ELOC: variants seen among roughly 807,000 people sequenced by gnomAD.
ELOC encodes elongin C, also known as elongin-C.
For missense variants in ELOC, 38 were observed against 139.0 expected, an observed-to-expected ratio of 0.27 and a Z score of 3.65; for synonymous variants, 40 against 51.3, an observed-to-expected ratio of 0.78 and a Z score of 0.94.
chr8:73,955,149 AT>A lies in ELOC; in HGVS notation c.148+761del, dbSNP rs35073507. On this transcript the variant is annotated intron_variant, in intron 3 of 3. Coordinates refer to ENST00000520242, the MANE Select transcript of ELOC (RefSeq NM_005648.4). ...TGAAAACAGAACATGGCAGAAATCA[AT>A]TTTTTTTCCCCAATGCAACATAATC... Among the ~76,000 whole-genome samples, 1,292 of 151,984 alleles carry A rather than the reference AT, an allele frequency of 8.5e-3. 22 individuals are homozygous for A. The highest frequency in any genetic ancestry group is 0.03 in the African/African-American group (1,250 of 41,454).
intron 1 of ELOC, among the ~76,000 whole-genome samples, chr8:73,962,005 T>C (rs1391064217): frequency 1.3e-5 from 2 of 151,968 alleles, no homozygotes; most frequent in African/African-American, 2.4e-5. Flanking sequence ...AAACGATTCT[T>C]GTGCCTCAGC....
At chr8:73,956,287 A>G (rs2131115571) in intron 2 of ELOC, among the ~76,000 whole-genome samples, 1 of 152,324 alleles carries the variant, frequency 6.6e-6, no homozygotes, top group East Asian at 1.9e-4. Context: ...CGGGAGGCTG[A>G]GGCAGGAGAA....
intron 3 of ELOC, among the ~76,000 whole-genome samples, chr8:73,947,442 T>A (rs1321117867): frequency 1.3e-5 from 2 of 152,120 alleles, no homozygotes; most frequent in Non-Finnish European, 2.9e-5. Context: ...TGTGAGAAAA[T>A]AAAGTTCTGT....
At chr8:73,960,096 G>T (rs1328788987) in intron 1 of ELOC, among the ~76,000 whole-genome samples, 2 of 152,128 alleles carry the variant, frequency 1.3e-5, no homozygotes, top group Non-Finnish European at 2.9e-5. Flanking sequence ...TTGGGGGTGG[G>T]GTTGTTGAAG....
chr8:73,950,185 AGACT>A (rs1813652235), intron 3 of ELOC, among the ~76,000 whole-genome samples: 1 of 152,242 alleles, frequency 6.6e-6, no homozygotes, highest in Non-Finnish European at 1.5e-5. Context: ...TAACTATTCA[AGACT>A]AACGGAGCCA....
At chr8:73,963,212 G>T (rs546085681) in intron 1 of ELOC, among the ~76,000 whole-genome samples, 1 of 152,048 alleles carries the variant, frequency 6.6e-6, no homozygotes, top group Non-Finnish European at 1.5e-5. Flanking sequence ...GGTGAGCCTA[G>T]GGCCTACACT....
intron 3 of ELOC, among the ~76,000 whole-genome samples, chr8:73,948,453 G>C (rs1813526417): frequency 6.6e-6 from 1 of 152,068 alleles, no homozygotes. Context: ...TTCTGATTTG[G>C]CTTTTCTGAG....
rs1485552655 is a variant in ELOC at position 73,945,695 on chromosome 8, G to A, written c.*935C>T. On this transcript the variant is annotated 3_prime_UTR_variant, in exon 4 of 4. Transcript: ENST00000520242. ...ATAATTCATGTAGGATATCTTCAAT[G>A]CATTATAATATGATTTTCACTGTAT... 2.0e-5 allele frequency: 3 copies of A among 152,142 alleles called. No individual in the cohort carries two copies. The highest frequency in any genetic ancestry group is 7.2e-5 in the African/African-American group (3 of 41,432). The allele number at this position is 152,142 out of a possible 1,614,324, so 9.4% of individuals were successfully genotyped here. A position where few individuals can be genotyped will look rare whatever the true frequency, so the allele number is the denominator to read the frequency against.
At chr8:73,965,174 T>C (rs1016298268) in intron 1 of ELOC, among the ~76,000 whole-genome samples, 12 of 151,472 alleles carry the variant, frequency 7.9e-5, no homozygotes, top group African/African-American at 2.9e-4. Flanking sequence ...AATTCCTGTA[T>C]GTCAATAAAA....
chr8:73,966,248 G>A (rs1227204793), intron 1 of ELOC, among the ~76,000 whole-genome samples: 1 of 152,164 alleles, frequency 6.6e-6, no homozygotes, highest in Non-Finnish European at 1.5e-5. Context: ...ATACGGCATG[G>A]TGAAGAACTA....
intron 3 of ELOC, among the ~76,000 whole-genome samples, chr8:73,951,325 G>A (rs963360355): frequency 6.6e-6 from 1 of 152,016 alleles, no homozygotes; most frequent in Non-Finnish European, 1.5e-5. Flanking sequence ...GTATTACACA[G>A]TTCTCTTTAC....
At chr8:73,954,531 G>A (rs1295365545) in intron 3 of ELOC, among the ~76,000 whole-genome samples, 1 of 151,650 alleles carries the variant, frequency 6.6e-6, no homozygotes, top group East Asian at 1.9e-4. Flanking sequence ...GTGGGCACCT[G>A]TAGTCCCAGA....
At chr8:73,948,006 A>T (rs1367721096) in intron 3 of ELOC, among the ~76,000 whole-genome samples, 1 of 152,094 alleles carries the variant, frequency 6.6e-6, no homozygotes, top group Non-Finnish European at 1.5e-5. Context: ...CAGCCTGACT[A>T]ACATAGTGAA....
intron 3 of ELOC, among the ~76,000 whole-genome samples, chr8:73,950,112 G>A (rs1372324304): frequency 6.6e-6 from 1 of 152,144 alleles, no homozygotes; most frequent in East Asian, 1.9e-4. Flanking sequence ...AGAAACAGCT[G>A]TTTTCGGGAT....
rs1212594411 is a variant in ELOC at position 73,951,727 on chromosome 8, CCAAA to C, written c.148+4180_148+4183del. Among the ~76,000 whole-genome samples the C allele has an allele frequency of 2.6e-5, 4 of 152,108 alleles. No homozygotes were observed. In the Middle Eastern group the frequency reaches 0.01, roughly 388 times the overall value. Reference sequence around the variant, plus strand: ...AGAGCTGCAAGGGATCCCAAATAGCCCAAACAATCTTGAAACAGAAAAACAAAGT... The same window carrying C: ...AGAGCTGCAAGGGATCCCAAATAGCCCAATCTTGAAACAGAAAAACAAAGT... On this transcript the variant is annotated intron_variant, in intron 3 of 3. Coordinates refer to ENST00000520242, the MANE Select transcript of ELOC (RefSeq NM_005648.4).
chr8:73,958,535 C>T (rs1047819469), intron 2 of ELOC, among the ~76,000 whole-genome samples: 28 of 151,870 alleles, frequency 1.8e-4, no homozygotes, highest in African/African-American at 6.8e-4. Context: ...TCTAATTTTT[C>T]ATAAAAAGCG....
chr8:73,958,563 G>A (rs886291155), intron 2 of ELOC, among the ~76,000 whole-genome samples: 1 of 152,162 alleles, frequency 6.6e-6, no homozygotes, highest in Non-Finnish European at 1.5e-5. Flanking sequence ...CCATAAAGAT[G>A]TAAGTAGCTT....
intron 3 of ELOC, among the ~76,000 whole-genome samples, chr8:73,954,487 C>A (rs1202648981): frequency 6.6e-6 from 1 of 151,790 alleles, no homozygotes; most frequent in Non-Finnish European, 1.5e-5. Context: ...AACCCCGTCT[C>A]TACTAAAAGT....
intron 1 of ELOC, among the ~76,000 whole-genome samples, chr8:73,966,977 TA>T (rs1156804768): frequency 1.3e-5 from 2 of 152,168 alleles, no homozygotes; most frequent in Non-Finnish European, 2.9e-5. Flanking sequence ...AGAACTAACC[TA>T]ATCTTTCCTT....
Sources: allele counts gnomAD v4.1 joint callset (sites outside exome capture counted in the v4.1 genomes callset), GRCh38; gene constraint gnomAD v4.1.1; transcripts MANE v1.5; gene names NCBI Gene and HGNC (gene_info 2026-07-23, HGNC 2026-07-21).